The following CIT variants were observed in gnomAD, a reference collection of about 807,000 sequenced individuals.
CIT encodes the protein citron Rho-interacting kinase.
In CIT, 79 loss-of-function variants were observed where a neutral mutation model predicts 272.7. That is an observed-to-expected ratio of 0.29 (90% CI 0.24 to 0.35). The LOEUF is 0.35. Ranked by LOEUF, CIT falls within the 10% of genes least tolerant of loss-of-function variation. The probability of loss-of-function intolerance (pLI) is 1.00; values close to 1 mark genes in which losing one functional copy is unlikely to be tolerated. For synonymous variants in CIT, 948 were observed against 995.6 expected (o/e 0.95, Z 0.90); for missense variants, 1,909 against 2,618.3 (o/e 0.73, Z 5.91).
chr12:119,733,529 CAA>C (rs113216303), intron 26 of CIT, among the ~76,000 whole-genome samples: 6,750 of 103,862 alleles, frequency 0.065, 177 homozygotes, highest in African/African-American at 0.11. Flanking sequence ...GACTCTGTCA[CAA>C]AAAAAAAAAA....
intron 23 of CIT, among the ~76,000 whole-genome samples, chr12:119,748,665 A>G (rs1959787048): frequency 1.3e-5 from 2 of 152,268 alleles, no homozygotes; most frequent in South Asian, 4.1e-4. Context: ...TAACAAATCA[A>G]AGAGGATGAC....
chr12:119,802,758 T>A (rs542159478), intron 10 of CIT, among the ~76,000 whole-genome samples: 1 of 152,210 alleles, frequency 6.6e-6, no homozygotes, highest in Admixed American at 6.5e-5. Context: ...CTCTAGCTTA[T>A]GAGACAAGGT....
intron 28 of CIT, among the ~76,000 whole-genome samples, chr12:119,726,011 C>CGT (rs3999591): frequency 0.03 from 4,498 of 149,978 alleles, 79 homozygotes; most frequent in Middle Eastern, 0.045. Context: ...ACCAAATATA[C>CGT]GTGTGTGTGT....
At chr12:119,856,574 T>C (rs980587255) in intron 4 of CIT, among the ~76,000 whole-genome samples, 3 of 151,900 alleles carry the variant, frequency 2.0e-5, no homozygotes, top group East Asian at 1.9e-4. Flanking sequence ...CACACTTGCA[T>C]AGCATTCTAG....
chr12:119,762,291 C>A (rs542912423), intron 19 of CIT, among the ~76,000 whole-genome samples: 1 of 152,102 alleles, frequency 6.6e-6, no homozygotes, highest in African/African-American at 2.4e-5. Flanking sequence ...AAGGTGGGAA[C>A]AGGGTCATGA....
At chr12:119,722,564 G>C (rs1409755981) in intron 28 of CIT, among the ~76,000 whole-genome samples, 2 of 152,044 alleles carry the variant, frequency 1.3e-5, no homozygotes, top group Non-Finnish European at 2.9e-5. Context: ...CTAAGGCATC[G>C]TGTTGCAGTA....
intron 28 of CIT, among the ~76,000 whole-genome samples, chr12:119,725,802 G>A (rs1330738038): frequency 1.3e-5 from 2 of 152,194 alleles, no homozygotes; most frequent in Non-Finnish European, 2.9e-5. Context: ...GGGCCAACTC[G>A]CCCTCTCAGA....
chr12:119,786,631 C>G (rs1281933089), intron 10 of CIT, among the ~76,000 whole-genome samples: 5 of 152,212 alleles, frequency 3.3e-5, no homozygotes, highest in Non-Finnish European at 7.3e-5. Context: ...CCAGCAGGTG[C>G]AAGTTCTGCT....
intron 5 of CIT, among the ~76,000 whole-genome samples, chr12:119,847,807 C>T (rs1969924518): frequency 6.6e-6 from 1 of 152,128 alleles, no homozygotes; most frequent in African/African-American, 2.4e-5. Context: ...AAGAGAATCG[C>T]TTGAACCCAG....
chr12:119,867,734 C>T (rs1023246924), intron 3 of CIT, among the ~76,000 whole-genome samples: 3 of 151,870 alleles, frequency 2.0e-5, no homozygotes, highest in Non-Finnish European at 2.9e-5. Flanking sequence ...CAACCGAAAA[C>T]GTCAAATCAC....
intron 5 of CIT, among the ~76,000 whole-genome samples, chr12:119,843,752 G>C (rs809237): frequency 6.6e-6 from 1 of 152,014 alleles, no homozygotes; most frequent in Non-Finnish European, 1.5e-5. Flanking sequence ...AGAGGTTGCA[G>C]TGAGCCAAGA....
chr12:119,811,190 G>A (rs1966844969), intron 9 of CIT, among the ~76,000 whole-genome samples: 1 of 152,096 alleles, frequency 6.6e-6, no homozygotes, highest in South Asian at 2.1e-4. Context: ...GCCGGGTGTG[G>A]TGATGCACAT....
chr12:119,825,267 G>A lies in CIT; in HGVS notation c.855C>T (p.Asp285=), dbSNP rs1968069702. 1.2e-6 allele frequency: 2 copies of A among 1,614,130 alleles called. No homozygotes were observed. Among genetic ancestry groups the A allele is most frequent in the Non-Finnish European group, 8.5e-7 (1 of 1,180,022 alleles). The stretch of plus-strand genomic sequence containing the variant: ...AGGCAATCACGCCCACTGACCACCA[G>A]TCACAGTCCAGGCCGTAGGTGCCTT... ...DGKGTYGLDC[D]WWSVGVIAYE... is the part of the protein sequence containing the mutation. The change falls in exon 8 of 48, where the codon GAC becomes GAT. Residue 285 remains aspartate (D), a synonymous_variant. Transcript: ENST00000392521.
At chr12:119,742,892 C>CAT in intron 23 of CIT, 1 of 155,232 alleles carries the variant, frequency 6.4e-6, no homozygotes, top group Non-Finnish European at 1.4e-5. Context: ...CACACACACA[C>CAT]ACATACACAC....
chr12:119,779,844 C>G (rs1047194498), intron 13 of CIT, among the ~76,000 whole-genome samples: 2 of 152,156 alleles, frequency 1.3e-5, no homozygotes, highest in African/African-American at 4.8e-5. Context: ...ATTTGTGGAT[C>G]CTTTGATATT....
chr12:119,841,090 G>A (rs1259167421), intron 5 of CIT, among the ~76,000 whole-genome samples: 2 of 152,032 alleles, frequency 1.3e-5, no homozygotes, highest in East Asian at 3.9e-4. Flanking sequence ...AATGCCTTGA[G>A]TAAGAATATG....
At chr12:119,725,988 C>T (rs1439782306) in intron 28 of CIT, among the ~76,000 whole-genome samples, 1 of 148,186 alleles carries the variant, frequency 6.7e-6, no homozygotes. Flanking sequence ...GGGGTGAATT[C>T]CTATGTGTGT....
intron 5 of CIT, among the ~76,000 whole-genome samples, chr12:119,836,123 C>T (rs1968987559): frequency 6.6e-6 from 1 of 151,524 alleles, no homozygotes; most frequent in South Asian, 2.1e-4. Flanking sequence ...CCCGTCTTTA[C>T]TAAAAATACA....
chr12:119,839,967 G>A (rs1593918028), intron 5 of CIT, among the ~76,000 whole-genome samples: 1 of 152,100 alleles, frequency 6.6e-6, no homozygotes, highest in South Asian at 2.1e-4. Context: ...TAGAACAATG[G>A]TTCTCAAAAT....
Sources: gnomAD v4.1 joint callset for allele counts (sites outside exome capture counted in the v4.1 genomes callset) on GRCh38, gnomAD v4.1.1 for gene constraint, MANE v1.5 for transcripts, NCBI Gene and HGNC (gene_info 2026-07-23, HGNC 2026-07-21) for gene names.